Variants in GRIA2 observed in about 807,000 individuals in gnomAD.
GRIA2 encodes the protein glutamate ionotropic receptor AMPA type subunit 2, also known as glutamate receptor 2.
GRIA2 carries 14 observed loss-of-function variants against 97.3 expected under a neutral mutation model. The observed-to-expected ratio is 0.14, with a 90% CI of 0.10 to 0.23. The LOEUF is 0.23. GRIA2 is among the 10% of genes least tolerant of loss of function. The pLI is 1.00. For missense variants in GRIA2, 558 were observed against 1,069.8 expected (o/e 0.52, Z 6.67); for synonymous variants, 412 against 387.8 (o/e 1.06, Z -0.73).
intron 6 of GRIA2, among the ~76,000 whole-genome samples, chr4:157,327,679 T>C (rs753860278): frequency 1.4e-4 from 22 of 152,246 alleles, no homozygotes; most frequent in Non-Finnish European, 2.8e-4. Context: ...GTCTTCAGTC[T>C]CCTACTGGTG....
intron 2 of GRIA2, among the ~76,000 whole-genome samples, chr4:157,225,621 C>CTTT (rs34394801): frequency 2.1e-5 from 3 of 143,950 alleles, no homozygotes; most frequent in Non-Finnish European, 3.0e-5. Flanking sequence ...TTCATGTTAA[C>CTTT]TTTTTTTTTT....
intron 5 of GRIA2, among the ~76,000 whole-genome samples, chr4:157,318,587 T>C (rs895136188): frequency 1.3e-5 from 2 of 152,156 alleles, no homozygotes; most frequent in African/African-American, 4.8e-5. Context: ...AGCAACAGAG[T>C]AGTTAATTCT....
chr4:157,326,287 A>C (rs2126917428), intron 6 of GRIA2, among the ~76,000 whole-genome samples: 1 of 152,312 alleles, frequency 6.6e-6, no homozygotes, highest in East Asian at 1.9e-4. Context: ...TCTTGCCACC[A>C]TCAGGGTTTG....
chr4:157,313,043 A>G (rs934222096), intron 4 of GRIA2, among the ~76,000 whole-genome samples, 168 bp downstream of exon 4: 10 of 152,200 alleles, frequency 6.6e-5, no homozygotes, highest in Admixed American at 5.2e-4. Context: ...TCAGTTAGCA[A>G]TAGCAAATGG....
chr4:157,287,685 A>C (rs544800886), intron 2 of GRIA2, among the ~76,000 whole-genome samples: 22 of 151,704 alleles, frequency 1.5e-4, no homozygotes, highest in Admixed American at 1.3e-3. Context: ...TTCCACTCAG[A>C]GCAGAGTCGA....
intron 12 of GRIA2, among the ~76,000 whole-genome samples, chr4:157,343,470 C>T (rs4426835): frequency 0.98 from 148,968 of 152,128 alleles, 73,007 homozygotes; most frequent in Middle Eastern, 1. Context: ...TCTGGATTTA[C>T]TTCACTGCCT....
At chr4:157,334,272 T>C (rs1036314448) in intron 9 of GRIA2, 152 bp downstream of exon 9, 8 of 578,736 alleles carry the variant, frequency 1.4e-5, no homozygotes, top group Non-Finnish European at 2.5e-5. Flanking sequence ...TTAAAAGGAA[T>C]ACACAAGATC....
At chr4:157,356,085 ATATATATT>A (rs1215320315) in intron 12 of GRIA2, among the ~76,000 whole-genome samples, 1 of 122,526 alleles carries the variant, frequency 8.2e-6, no homozygotes, top group Admixed American at 9.7e-5. Flanking sequence ...TTATTTATTT[ATATATATT>A]TATATATTTA....
intron 13 of GRIA2, chr4:157,360,601 G>C: frequency 2.3e-6 from 1 of 430,836 alleles, no homozygotes. Flanking sequence ...TTTGTTTAAG[G>C]GATATACTTT....
chr4:157,274,223 G>T (rs1160541935), intron 2 of GRIA2, among the ~76,000 whole-genome samples: 1 of 151,912 alleles, frequency 6.6e-6, no homozygotes, highest in Admixed American at 6.6e-5. Context: ...AAATGCTAAA[G>T]AAGTTCCTCA....
intron 2 of GRIA2, among the ~76,000 whole-genome samples, chr4:157,242,370 C>T (rs182482320): frequency 6.6e-6 from 1 of 151,914 alleles, no homozygotes; most frequent in South Asian, 2.1e-4. Flanking sequence ...TTAGCTGTTA[C>T]CTTGTTGATA....
chr4:157,318,125 A>T (rs1401773361), intron 5 of GRIA2, among the ~76,000 whole-genome samples: 1 of 152,134 alleles, frequency 6.6e-6, no homozygotes, highest in Non-Finnish European at 1.5e-5. Context: ...ACAATATTTG[A>T]CAAGCTTCAT....
At chr4:157,333,756 A>T (rs924336797) in intron 8 of GRIA2, among the ~76,000 whole-genome samples, 26 of 152,052 alleles carry the variant, frequency 1.7e-4, no homozygotes, top group African/African-American at 6.3e-4. Context: ...TTACATTTCT[A>T]TATGACCACT....
intron 2 of GRIA2, among the ~76,000 whole-genome samples, chr4:157,281,842 T>G (rs1056055482): frequency 4.6e-5 from 7 of 152,104 alleles, no homozygotes; most frequent in Non-Finnish European, 1.0e-4. Flanking sequence ...CCTAGCTTTT[T>G]TATGTATCCT....
intron 12 of GRIA2, among the ~76,000 whole-genome samples, chr4:157,351,576 G>T (rs1237424408): frequency 1.3e-5 from 2 of 152,150 alleles, no homozygotes; most frequent in Admixed American, 1.3e-4. Context: ...TCTATGACTA[G>T]TACAAGCATT....
chr4:157,291,757 G>C (rs1476256776), intron 2 of GRIA2, among the ~76,000 whole-genome samples: 3 of 151,900 alleles, frequency 2.0e-5, no homozygotes, highest in Admixed American at 2.0e-4. Context: ...TTCCAAAAGT[G>C]AGTAGAGTAA....
intron 2 of GRIA2, among the ~76,000 whole-genome samples, chr4:157,222,594 G>T (rs1484145233): frequency 6.6e-6 from 1 of 152,182 alleles, no homozygotes; most frequent in African/African-American, 2.4e-5. Context: ...TTGCCAGCCC[G>T]GCGCGCTTTG....
At chr4:157,319,748 A>T (rs976051099) in intron 5 of GRIA2, among the ~76,000 whole-genome samples, 2 of 152,128 alleles carry the variant, frequency 1.3e-5, no homozygotes, top group Admixed American at 6.5e-5. Flanking sequence ...AAGATTTTTT[A>T]AAAATCTGCA....
chr4:157,317,727 G>A lies in GRIA2; in HGVS notation c.720+16G>A. 9.4e-7 allele frequency: 1 copy of A among 1,065,640 alleles called. No homozygotes were observed. The highest frequency in any genetic ancestry group is 1.3e-5 in the South Asian group (1 of 74,688). The allele number at this position is 1,065,640 out of a possible 1,614,324, so 66.0% of individuals were successfully genotyped here. On this transcript the variant is annotated intron_variant, in intron 5 of 15. Transcript: ENST00000264426. ...TGCAAATCTGGTAGGTGAATTAATT[G>A]GTATATATTATTTTACTAGATATGC...
Sources: allele counts gnomAD v4.1 joint callset (sites outside exome capture counted in the v4.1 genomes callset), GRCh38; gene constraint gnomAD v4.1.1; transcripts MANE v1.5; gene names NCBI Gene and HGNC (gene_info 2026-07-23, HGNC 2026-07-21).